The following DCAF6 variants were observed in gnomAD, a reference collection of about 807,000 sequenced individuals.
The protein encoded by DCAF6 is DDB1- and CUL4-associated factor 6.
Under a neutral mutation model 125.1 loss-of-function variants are expected in DCAF6, and 54 were observed. The ratio of observed to expected loss-of-function variants is 0.43; its 90% CI spans 0.35 to 0.54. The LOEUF (loss-of-function observed/expected upper bound fraction) is 0.54, where lower values mean the gene tolerates loss of function less well. Among genes scored for constraint, DCAF6 ranks in the 20% least tolerant of loss-of-function variants. DCAF6 has a pLI of 0.01. For missense variants in DCAF6, 934 were observed against 1,161.7 expected (o/e 0.80, Z 2.85); for synonymous variants, 371 against 390.4 (o/e 0.95, Z 0.58).
At chr1:167,954,320 A>G (rs145030657) in intron 2 of DCAF6, among the ~76,000 whole-genome samples, 315 of 152,064 alleles carry the variant, frequency 2.1e-3, no homozygotes, top group Admixed American at 3.8e-3. Context: ...GGTCTTACAC[A>G]AATGTTTTCT....
At chr1:168,008,939 CTCTT>C (rs1231105828) in intron 10 of DCAF6, among the ~76,000 whole-genome samples, 1 of 142,658 alleles carries the variant, frequency 7.0e-6, no homozygotes, top group African/African-American at 2.6e-5. Flanking sequence ...TTCTCTCTCT[CTCTT>C]TCTCTCTCTC....
intron 10 of DCAF6, 119 bp from the exon 11 acceptor site, chr1:168,015,662 A>G (rs773115054): frequency 1.8e-5 from 15 of 847,474 alleles, no homozygotes; most frequent in Non-Finnish European, 2.2e-5. Flanking sequence ...TGTTTATAGT[A>G]TTCCTCTATG....
intron 16 of DCAF6, among the ~76,000 whole-genome samples, chr1:168,048,812 A>G (rs545567969): frequency 7.9e-5 from 12 of 152,366 alleles, no homozygotes. Context: ...TAAAATATTA[A>G]CATTTAAAAA....
At chr1:167,932,556 C>T (rs534499566), upstream of DCAF6, among the ~76,000 whole-genome samples, 5 of 152,040 alleles carry the variant, frequency 3.3e-5, no homozygotes, top group South Asian at 4.1e-4. Flanking sequence ...CACCTGTAAT[C>T]CCAGCACTTT....
At chr1:167,982,698 A>T (rs1679377506) in intron 4 of DCAF6, among the ~76,000 whole-genome samples, 1 of 152,102 alleles carries the variant, frequency 6.6e-6, no homozygotes, top group African/African-American at 2.4e-5. Flanking sequence ...TTTTTGTTGC[A>T]GTGGCTATTG....
upstream of DCAF6, chr1:167,935,910 G>C: frequency 8.2e-7 from 1 of 1,219,132 alleles, no homozygotes; most frequent in African/African-American, 1.5e-5. Flanking sequence ...TGACAACGAA[G>C]GGGAGCTAGT....
intron 2 of DCAF6, among the ~76,000 whole-genome samples, chr1:167,956,395 T>A (rs1237761663): frequency 2.0e-5 from 3 of 152,214 alleles, no homozygotes; most frequent in Non-Finnish European, 4.4e-5. Context: ...ATCTGTAGAA[T>A]CTGTAGTGTA....
chr1:168,019,441 G>C (rs1396128588), intron 11 of DCAF6: 1 of 335,408 alleles, frequency 3.0e-6, no homozygotes, highest in African/African-American at 2.1e-5. Context: ...TCAGGGTTTT[G>C]AATGAGCTAT....
In DCAF6 at chr1:168,063,853, AT is replaced by A. The variant is rs1285570192; in HGVS notation, c.2439+97del. 2.5e-6 allele frequency: 3 copies of A among 1,197,740 alleles called. No homozygotes were observed. The Admixed American group carries it at 7.3e-5, about 29-fold the overall frequency. 74.2% of individuals were successfully genotyped at this position (1,197,740 alleles called of 1,614,324 possible). A position where few individuals can be genotyped will look rare whatever the true frequency, so the allele number is the denominator to read the frequency against. On this transcript the variant is annotated intron_variant, in intron 18 of 21. Transcript: ENST00000367840. ...TTTATCTTCATATATTGCCAATGGG[AT>A]TTCAGTATTACATTATTAAATCTTC...
chr1:168,062,582 A>G (rs1336545144), intron 17 of DCAF6, among the ~76,000 whole-genome samples: 1 of 152,078 alleles, frequency 6.6e-6, no homozygotes, highest in Non-Finnish European at 1.5e-5. Context: ...AGCATCTTTT[A>G]TATATTTGTT....
Position 168,043,005 on chromosome 1 carries a change from T to C in DCAF6, c.1728-20T>C, listed in dbSNP as rs1253778270. 4 of 1,540,170 alleles carry C rather than the reference T, an allele frequency of 2.6e-6. No homozygotes were observed. The highest frequency in any genetic ancestry group is 3.6e-6 in the Non-Finnish European group (4 of 1,116,584). ...TTGATTAACTTCTTGGTGGAATCAC[T>C]TATCTTGTTTTGATGATAGGAGCAG... is the stretch of plus-strand genomic sequence containing the variant. On this transcript the variant is annotated intron_variant, in intron 13 of 21. Transcript: ENST00000367840.
At chr1:167,900,347 T>G in the DCAF6 span, among the ~76,000 whole-genome samples, 1 of 152,102 alleles carries the variant, frequency 6.6e-6, no homozygotes, top group Non-Finnish European at 1.5e-5. Context: ...CACACTGATG[T>G]TTGGACTTAC....
chr1:167,924,670 G>T, the DCAF6 span: 1 of 602,832 alleles, frequency 1.7e-6, no homozygotes, highest in Non-Finnish European at 2.8e-6. Context: ...TATGCTTTTT[G>T]CATACTTTGT....
chr1:167,988,981 G>A (rs1282903468), intron 5 of DCAF6, among the ~76,000 whole-genome samples: 1 of 152,110 alleles, frequency 6.6e-6, no homozygotes, highest in Non-Finnish European at 1.5e-5. Flanking sequence ...TCGGGAGGCT[G>A]AGGAAGGAGA....
the DCAF6 span, among the ~76,000 whole-genome samples, chr1:167,866,414 A>G: frequency 6.6e-6 from 1 of 151,570 alleles, no homozygotes; most frequent in Non-Finnish European, 1.5e-5. Context: ...TGTAAATTAG[A>G]TAAATTATAT....
chr1:168,040,572 T>G (rs1688395171), intron 13 of DCAF6, among the ~76,000 whole-genome samples: 1 of 152,004 alleles, frequency 6.6e-6, no homozygotes, highest in Non-Finnish European at 1.5e-5. Flanking sequence ...CCTGACCATT[T>G]AAAAATTGTG....
the DCAF6 span, among the ~76,000 whole-genome samples, chr1:167,894,369 A>G: frequency 6.6e-6 from 1 of 152,156 alleles, no homozygotes; most frequent in Non-Finnish European, 1.5e-5. Context: ...CTCAGGCTTG[A>G]TACCGCTTCA....
chr1:167,871,127 A>G, the DCAF6 span, among the ~76,000 whole-genome samples: 1 of 152,058 alleles, frequency 6.6e-6, no homozygotes, highest in Non-Finnish European at 1.5e-5. Flanking sequence ...TATGTAGACT[A>G]TTACATTAGG....
intron 2 of DCAF6, among the ~76,000 whole-genome samples, chr1:167,965,762 G>A (rs1676315410): frequency 6.6e-6 from 1 of 152,048 alleles, no homozygotes; most frequent in South Asian, 2.1e-4. Flanking sequence ...GGCCTCCCGA[G>A]TAGCTGGGAT....
Sources: gnomAD v4.1 joint callset for allele counts (sites outside exome capture counted in the v4.1 genomes callset) on GRCh38, gnomAD v4.1.1 for gene constraint, MANE v1.5 for transcripts, NCBI Gene and HGNC (gene_info 2026-07-23, HGNC 2026-07-21) for gene names.